Variants in DOCK7 observed in about 807,000 individuals in gnomAD.
The protein encoded by DOCK7 is dedicator of cytokinesis 7.
Under a neutral mutation model 271.0 loss-of-function variants are expected in DOCK7, and 138 were observed. The observed-to-expected ratio is 0.51, with a 90% CI of 0.44 to 0.59. DOCK7 has a LOEUF of 0.59. Ranked by LOEUF, DOCK7 falls within the 20% of genes least tolerant of loss-of-function variation. The pLI is 0.00. For synonymous variants in DOCK7, 823 were observed against 876.1 expected (o/e 0.94, Z 1.07); for missense variants, 2,066 against 2,592.4 (o/e 0.80, Z 4.41).
chr1:62,510,466 TTTA>T (rs1331986464), intron 34 of DOCK7, 108 bp downstream of exon 34: 7 of 654,232 alleles, frequency 1.1e-5, no homozygotes, highest in African/African-American at 1.9e-5. Flanking sequence ...ACTTAATATA[TTTA>T]TTAAGTGTAA....
intron 7 of DOCK7, among the ~76,000 whole-genome samples, 187 bp from the exon 8 acceptor site, chr1:62,636,790 T>C (rs1655330555): frequency 6.6e-6 from 1 of 152,182 alleles, no homozygotes; most frequent in Non-Finnish European, 1.5e-5. Context: ...AAATCAACCT[T>C]ATCTTCTCTA....
chr1:62,568,938 C>T (rs952845053), intron 18 of DOCK7, among the ~76,000 whole-genome samples: 2 of 151,802 alleles, frequency 1.3e-5, no homozygotes, highest in Non-Finnish European at 2.9e-5. Flanking sequence ...GAAATACAAA[C>T]GACCATCAGA....
chr1:62,612,797 C>CG (rs1651955260), intron 14 of DOCK7, among the ~76,000 whole-genome samples: 1 of 152,162 alleles, frequency 6.6e-6, no homozygotes, highest in Non-Finnish European at 1.5e-5. Flanking sequence ...TTCATTCTTA[C>CG]ATTCTTAGTA....
At chr1:62,508,084 A>T (rs1162054992) in intron 34 of DOCK7, 26 bp from the exon 35 acceptor site, 8 of 1,557,150 alleles carry the variant, frequency 5.1e-6, no homozygotes, top group Non-Finnish European at 6.9e-6. Context: ...GTAAGAAATT[A>T]TATTTATCTT....
At chr1:62,533,098 G>A (rs1055273819) in intron 29 of DOCK7, among the ~76,000 whole-genome samples, 13 of 151,980 alleles carry the variant, frequency 8.6e-5, no homozygotes, top group Admixed American at 5.2e-4. Context: ...TATCCGTTCG[G>A]AGCCCCCCCT....
intron 12 of DOCK7, 103 bp downstream of exon 12, chr1:62,625,156 G>T (rs2149604232): frequency 3.9e-6 from 4 of 1,017,732 alleles, no homozygotes; most frequent in South Asian, 2.8e-5. Context: ...AAGTTTCTTG[G>T]AATCACCCTC....
intron 38 of DOCK7, 60 bp from the exon 39 acceptor site, chr1:62,495,741 A>C: frequency 7.5e-7 from 1 of 1,324,804 alleles, no homozygotes; most frequent in Non-Finnish European, 1.0e-6. Context: ...TAATCACCAA[A>C]TTAGTTTCAG....
At position 62,504,669 on chromosome 1, in the gene DOCK7, G is replaced by A; in HGVS notation, c.4725C>T (p.Ser1575=). 6.2e-7 allele frequency: 1 copy of A among 1,613,824 alleles called. No homozygotes were observed. The highest frequency in any genetic ancestry group is 8.5e-7 in the Non-Finnish European group (1 of 1,179,916). The change falls in exon 37 of 50, where the codon TCC becomes TCT. Residue 1575 remains serine, a synonymous_variant. Transcript: ENST00000635253. ...IGTIRSHASA[S]LYLLMRQNFE... is the part of the protein sequence containing the mutation. ...AGTTTTGCCTCATTAGTAGGTAAAG[G>A]GAGGCACTGGCGTGTGACCGTATTG...
chr1:62,663,204 G>C, intron 1 of DOCK7, 74 bp from the exon 2 acceptor site: 8,830 of 882,908 alleles, frequency 0.01, no homozygotes, highest in Non-Finnish European at 0.014. Flanking sequence ...ATGGAGGGAA[G>C]CTAAATACAT....
chr1:62,455,423 C>G lies in DOCK7; in HGVS notation c.6414G>C (p.Met2138Ile). ...AACAAGTGCATTCAGTTTAGAGATC[C>G]ATTTTGCGAAGGCTCATTCGACTGA... ...DSFSRMSLRK[M>I]DL The change falls in exon 50 of 50, where the codon ATG (methionine) becomes ATC (isoleucine). Residue 2138 changes from methionine (M) to isoleucine (I), a missense_variant. Transcript: ENST00000635253. The G allele has an allele frequency of 6.2e-7, 1 of 1,613,598 alleles. No individual in the cohort carries two copies. The highest frequency in any genetic ancestry group is 8.5e-7 in the Non-Finnish European group (1 of 1,179,802).
intron 1 of DOCK7, chr1:62,687,515 T>C (rs1481638041): frequency 1.5e-5 from 2 of 136,304 alleles, no homozygotes; most frequent in African/African-American, 5.6e-5. Flanking sequence ...CACAGTTAAA[T>C]TCACAGGCGA....
Position 62,560,786 on chromosome 1 carries a change from A to G in DOCK7, c.2199+831T>C, listed in dbSNP as rs567758237. ...AACATCTCAGTGCCTAGCAAAACAGATAACTCTTCCCTCTGTACTTCAAAG... is the reference window on the plus strand; with the variant it reads ...AACATCTCAGTGCCTAGCAAAACAGGTAACTCTTCCCTCTGTACTTCAAAG... On this transcript the variant is annotated intron_variant, in intron 19 of 49. Transcript: ENST00000635253. 1.7e-4 allele frequency among the ~76,000 whole-genome samples: 26 copies of G among 152,304 alleles called. No homozygotes were observed. In the South Asian group the frequency reaches 3.5e-3, roughly 21 times the overall value.
At chr1:62,649,584 AC>A (rs1399827181) in intron 4 of DOCK7, among the ~76,000 whole-genome samples, 1 of 152,186 alleles carries the variant, frequency 6.6e-6, no homozygotes, top group African/African-American at 2.4e-5. Flanking sequence ...TGAATTCTAT[AC>A]TAAAAAAATT....
chr1:62,600,903 T>C, intron 14 of DOCK7: 1 of 527,518 alleles, frequency 1.9e-6, no homozygotes, highest in Non-Finnish European at 3.4e-6. Context: ...TGTCCCTGAT[T>C]AAATATTTTG....
chr1:62,609,145 C>A (rs1183149140), intron 14 of DOCK7: 1 of 152,146 alleles, frequency 6.6e-6, no homozygotes, highest in Non-Finnish European at 1.5e-5. Context: ...CATGGCAAAT[C>A]AACTAGGGTA....
intron 25 of DOCK7, among the ~76,000 whole-genome samples, chr1:62,540,409 G>A (rs1267863430): frequency 1.3e-5 from 2 of 152,086 alleles, no homozygotes; most frequent in Admixed American, 6.6e-5. Flanking sequence ...CTGGCCTCAA[G>A]TGTTTCCTCT....
rs140660484 is a variant in DOCK7, at chr1:62,513,758, T to C, written c.4077A>G (p.Leu1359=). 80 of 1,614,082 alleles carry C rather than the reference T, an allele frequency of 5.0e-5. No homozygotes were observed. The highest frequency in any genetic ancestry group is 1.3e-4 in the Admixed American group (8 of 60,000). ...TDLSVLQLNR[L]LDLLYLCVSC... ...ACACACAGAGATAAAGCAGATCTAA[T>C]AGCCGGTTTAGCTGCAAGACTGAGA... The change falls in exon 32 of 50, where the codon CTA becomes CTG. Residue 1359 remains leucine, a synonymous_variant. Transcript: ENST00000635253.
At chr1:62,462,967 T>A (rs577050267) in intron 48 of DOCK7, among the ~76,000 whole-genome samples, 2 of 146,366 alleles carry the variant, frequency 1.4e-5, no homozygotes, top group African/African-American at 5.1e-5. Context: ...CCTATATTGA[T>A]AAAGGAAAAG....
chr1:62,673,670 C>A (rs1450505866), intron 1 of DOCK7, among the ~76,000 whole-genome samples: 1 of 152,166 alleles, frequency 6.6e-6, no homozygotes, highest in Non-Finnish European at 1.5e-5. Flanking sequence ...CATAAACATA[C>A]AAAATTATAT....
Sources: allele counts gnomAD v4.1 joint callset (sites outside exome capture counted in the v4.1 genomes callset), GRCh38; gene constraint gnomAD v4.1.1; transcripts MANE v1.5; gene names NCBI Gene and HGNC (gene_info 2026-07-23, HGNC 2026-07-21).